LDLRAD4: variants seen among roughly 807,000 people sequenced by gnomAD.
LDLRAD4 encodes the protein low density lipoprotein receptor class A domain containing 4.
A neutral mutation model predicts 17.0 loss-of-function variants in LDLRAD4; 5 were observed. The ratio of observed to expected loss-of-function variants is 0.29; its 90% CI spans 0.15 to 0.62. The LOEUF (loss-of-function observed/expected upper bound fraction) is 0.62. Ranked by LOEUF, LDLRAD4 falls within the 20% of genes least tolerant of loss-of-function variation. The pLI is 0.84. For synonymous variants in LDLRAD4, 168 were observed against 171.8 expected, an observed-to-expected ratio of 0.98 and a Z score of 0.17; for missense variants, 340 against 424.7, an observed-to-expected ratio of 0.80 and a Z score of 1.75.
At chr18:13,249,554 A>C (rs1402460507) in intron 1 of LDLRAD4, among the ~76,000 whole-genome samples, 1 of 151,410 alleles carries the variant, frequency 6.6e-6, no homozygotes, top group African/African-American at 2.4e-5. Flanking sequence ...TTTCCTTTTG[A>C]GAAATGTCCG....
intron 2 of LDLRAD4, among the ~76,000 whole-genome samples, chr18:13,427,100 C>T (rs888967503): frequency 2.0e-5 from 3 of 152,114 alleles, no homozygotes; most frequent in African/African-American, 4.8e-5. Flanking sequence ...GCAGGGGAAT[C>T]GCTTGAACCC....
chr18:13,429,314 T>G (rs958336628), intron 2 of LDLRAD4, among the ~76,000 whole-genome samples: 1 of 152,126 alleles, frequency 6.6e-6, no homozygotes, highest in Admixed American at 6.5e-5. Flanking sequence ...TTAGACACAG[T>G]GAGTACAGAA....
intron 3 of LDLRAD4, among the ~76,000 whole-genome samples, chr18:13,575,891 A>G (rs1400793610): frequency 6.6e-6 from 1 of 152,102 alleles, no homozygotes; most frequent in East Asian, 1.9e-4. Flanking sequence ...TTGTCTACTC[A>G]TGTCCTCAGC....
chr18:13,458,754 T>G (rs980866241), intron 3 of LDLRAD4, among the ~76,000 whole-genome samples: 1 of 152,234 alleles, frequency 6.6e-6, no homozygotes, highest in Non-Finnish European at 1.5e-5. Flanking sequence ...AGAGACTCTT[T>G]CCCAGCTGTG....
At chr18:13,609,015 G>T (rs74954090) in intron 3 of LDLRAD4, among the ~76,000 whole-genome samples, 5 of 84,986 alleles carry the variant, frequency 5.9e-5, no homozygotes, top group African/African-American at 1.6e-4. Flanking sequence ...TCTGAGATGC[G>T]TTGGTGACTG....
intron 4 of LDLRAD4, among the ~76,000 whole-genome samples, chr18:13,636,471 A>C (rs942063608): frequency 6.6e-6 from 1 of 150,926 alleles, no homozygotes; most frequent in African/African-American, 2.4e-5. Flanking sequence ...CACAAAGTTG[A>C]ATGTTATAAA....
chr18:13,610,985 C>T (rs1231491312), intron 3 of LDLRAD4: 1 of 153,726 alleles, frequency 6.5e-6, no homozygotes, highest in Admixed American at 6.5e-5. Context: ...TGCTGAAATT[C>T]TCTGGTTTCC....
intron 3 of LDLRAD4, among the ~76,000 whole-genome samples, chr18:13,534,665 C>T (rs929967847): frequency 2.0e-5 from 3 of 152,176 alleles, no homozygotes; most frequent in Admixed American, 6.5e-5. Flanking sequence ...TATTGTGGGA[C>T]ATCTTTTTGT....
chr18:13,304,921 C>T (rs2046822235), intron 1 of LDLRAD4, among the ~76,000 whole-genome samples: 1 of 152,040 alleles, frequency 6.6e-6, no homozygotes, highest in African/African-American at 2.4e-5. Context: ...TGACGGAGGG[C>T]GTGTTTATCA....
intron 3 of LDLRAD4, chr18:13,612,669 G>A (rs1254003674): frequency 1.9e-6 from 3 of 1,613,522 alleles, no homozygotes; most frequent in East Asian, 2.2e-5. Context: ...GGGGGGCTGC[G>A]TCACAGTTGG....
At chr18:13,448,044 A>G (rs951768604) in intron 3 of LDLRAD4, among the ~76,000 whole-genome samples, 3 of 152,184 alleles carry the variant, frequency 2.0e-5, no homozygotes, top group Non-Finnish European at 2.9e-5. Context: ...TTACTGATCA[A>G]TTTTAGTGCA....
chr18:13,348,530 TGAG>T (rs1160737454), intron 1 of LDLRAD4, among the ~76,000 whole-genome samples: 1 of 152,178 alleles, frequency 6.6e-6, no homozygotes, highest in African/African-American at 2.4e-5. Flanking sequence ...GGGATCCACT[TGAG>T]GAGGCAGTCT....
intron 2 of LDLRAD4, among the ~76,000 whole-genome samples, chr18:13,392,337 C>CT (rs929473747): frequency 6.6e-6 from 1 of 152,270 alleles, no homozygotes; most frequent in African/African-American, 2.4e-5. Context: ...TCATGTTACA[C>CT]TTGAGCATGT....
intron 3 of LDLRAD4, among the ~76,000 whole-genome samples, chr18:13,531,587 CTTTTT>C: frequency 8.0e-6 from 1 of 124,584 alleles, no homozygotes; most frequent in South Asian, 2.8e-4. Flanking sequence ...AAGACTCCAT[CTTTTT>C]TTTTTTTTTT....
At chr18:13,222,635 G>T (rs900953423) in intron 1 of LDLRAD4, among the ~76,000 whole-genome samples, 1 of 152,214 alleles carries the variant, frequency 6.6e-6, no homozygotes, top group African/African-American at 2.4e-5. Context: ...TCTGCCTGCC[G>T]CCTAGAATTC....
At chr18:13,553,342 C>T (rs1325783413) in intron 3 of LDLRAD4, among the ~76,000 whole-genome samples, 1 of 152,136 alleles carries the variant, frequency 6.6e-6, no homozygotes, top group Non-Finnish European at 1.5e-5. Flanking sequence ...GTTTACAGTA[C>T]TTAATTTGGG....
rs144770523 is a variant in LDLRAD4, at chr18:13,270,464, C to T, written c.-466-7641C>T. On this transcript the variant is annotated intron_variant, in intron 1 of 5. Transcript: ENST00000399848. ...CCGGGTCGAGAGGGCAAAGTATGCT[C>T]GTTCCAGGCCTATTTGCATTACCGC... 2.0e-5 allele frequency among the ~76,000 whole-genome samples: 3 copies of T among 152,290 alleles called. No homozygotes were observed. The East Asian group carries it at 5.8e-4, about 29-fold the overall frequency.
chr18:13,530,705 A>G (rs1248816769), intron 3 of LDLRAD4, among the ~76,000 whole-genome samples: 1 of 152,152 alleles, frequency 6.6e-6, no homozygotes. Context: ...CAGCTTGGTG[A>G]CGTGTGTGAC....
chr18:13,621,181 C>T lies in LDLRAD4; in HGVS notation c.246C>T (p.Ile82=), dbSNP rs753907408. The change falls in exon 4 of 6, where the codon ATC becomes ATT. Residue 82 remains isoleucine, a synonymous_variant. Coordinates refer to ENST00000359446, the Ensembl canonical transcript of LDLRAD4. The surrounding 1 kb of genome is among the most constrained non-coding windows in gnomAD (Gnocchi z 5.5). ...TGGTCACGGTGATGGTGGTGGTCAT[C>T]GTCTGCCTGCTGAACCACTACAAAG... 1.2e-5 allele frequency: 19 copies of T among 1,614,048 alleles called. No homozygotes were observed. The highest frequency in any genetic ancestry group is 1.7e-5 in the Admixed American group (1 of 60,010).
Sources: allele counts gnomAD v4.1 joint callset (sites outside exome capture counted in the v4.1 genomes callset), GRCh38; gene constraint gnomAD v4.1.1; non-coding constraint Gnocchi (gnomAD v3.1); transcripts MANE v1.5; gene names NCBI Gene and HGNC (gene_info 2026-07-23, HGNC 2026-07-21).